TOLLIP: variants seen among roughly 807,000 people sequenced by gnomAD.
TOLLIP encodes toll-interacting protein.
A neutral mutation model predicts 33.5 loss-of-function variants in TOLLIP; 16 were observed. That is an observed-to-expected ratio of 0.48 (90% CI 0.32 to 0.72). The LOEUF is 0.72. Among genes scored for constraint, TOLLIP ranks in the 30% least tolerant of loss-of-function variants. TOLLIP has a pLI of 0.03. For synonymous variants in TOLLIP, 176 were observed against 163.7 expected (o/e 1.07, Z -0.57); for missense variants, 325 against 396.6 (o/e 0.82, Z 1.53).
In TOLLIP at chr11:1,277,297, A is replaced by G. The variant is rs1284169468; in HGVS notation, c.611-44T>C. Reference sequence around the variant, plus strand: ...TTTGGTAAAAACGTCGGAAAGTTCCAGAAGTGCCACACTAGCTCCTGCTGA... The same window carrying G: ...TTTGGTAAAAACGTCGGAAAGTTCCGGAAGTGCCACACTAGCTCCTGCTGA... On this transcript the variant is annotated intron_variant, in intron 5 of 5. Transcript: ENST00000317204. The surrounding 1 kb of genome is among the most constrained non-coding windows in gnomAD (Gnocchi z 4.2). 6.8e-7 allele frequency: 1 copy of G among 1,460,178 alleles called. No individual in the cohort carries two copies. Among genetic ancestry groups the G allele is most frequent in the South Asian group, 1.3e-5 (1 of 74,544 alleles). The allele number at this position is 1,460,178 out of a possible 1,614,324, so 90.5% of individuals were successfully genotyped here.
rs145462738 is a variant in TOLLIP at position 1,287,056 on chromosome 11, T to C, written c.520-964A>G. On this transcript the variant is annotated intron_variant, in intron 4 of 5. Coordinates refer to ENST00000317204, the MANE Select transcript of TOLLIP (RefSeq NM_019009.4). The stretch of plus-strand genomic sequence containing the variant: ...CCACTGTCGCCTCTGAGTTCAAAAC[T>C]GTCAGCTGCGGATAAGTCACTGCAC... 5.6e-3 allele frequency among the ~76,000 whole-genome samples: 855 copies of C among 152,238 alleles called. 7 individuals are homozygous for C. Among genetic ancestry groups the C allele is most frequent in the Non-Finnish European group, 5.3e-3 (358 of 67,990 alleles).
At chr11:1,293,364 G>A (rs999953114) in intron 2 of TOLLIP, among the ~76,000 whole-genome samples, 3 of 152,228 alleles carry the variant, frequency 2.0e-5, no homozygotes, top group Non-Finnish European at 4.4e-5. Flanking sequence ...CAGCACATGG[G>A]TGTTTAGACC....
intron 1 of TOLLIP, among the ~76,000 whole-genome samples, chr11:1,300,380 G>A (rs369829607): frequency 2.6e-5 from 4 of 152,278 alleles, no homozygotes; most frequent in African/African-American, 2.4e-5. Flanking sequence ...CTTTCCACAC[G>A]AAAGAAAAGA....
intron 2 of TOLLIP, chr11:1,292,132 C>T (rs1863973542): frequency 1.3e-5 from 2 of 152,290 alleles, no homozygotes; most frequent in African/African-American, 4.8e-5. Context: ...TCCTGGGCGA[C>T]AGGCATGCTC....
chr11:1,284,535 G>C (rs1343950752), intron 5 of TOLLIP, among the ~76,000 whole-genome samples: 2 of 152,146 alleles, frequency 1.3e-5, no homozygotes, highest in African/African-American at 4.8e-5. Context: ...ATTTTTAGTA[G>C]AGACGGGGTT....
At chr11:1,288,012 G>A (rs938502731) in intron 4 of TOLLIP, among the ~76,000 whole-genome samples, 4 of 152,096 alleles carry the variant, frequency 2.6e-5, no homozygotes, top group African/African-American at 4.8e-5. Context: ...GACGGCAGGA[G>A]CTCTGCGTCT....
rs766263496 is a variant in TOLLIP at position 1,303,992 on chromosome 11, T to C, written c.33+5474A>G. On this transcript the variant is annotated intron_variant, in intron 1 of 5. Coordinates refer to ENST00000317204, the MANE Select transcript of TOLLIP (RefSeq NM_019009.4). This position sits in a 1 kb window ranked among gnomAD's most constrained non-coding sequence, Gnocchi z 4.2. Reference sequence around the variant, plus strand: ...AAGAGGTTGCAGTGAGTTGAGATTGTGCCACTGCACTCCAGCCTGGGCTAC... The same window carrying C: ...AAGAGGTTGCAGTGAGTTGAGATTGCGCCACTGCACTCCAGCCTGGGCTAC... 2.7e-4 allele frequency among the ~76,000 whole-genome samples: 40 copies of C among 145,508 alleles called. No homozygotes were observed. The highest frequency in any genetic ancestry group is 5.1e-4 in the Non-Finnish European group (34 of 67,300).
At position 1,274,698 on chromosome 11, in the gene TOLLIP, A is replaced by T. The variant is rs1863228753; in HGVS notation, c.*2341T>A. ...GCCACGGAGCTGGCGATCGGCCTGCATCTTCAAACCCAGGAGCAGGAGCAG... is the reference window on the plus strand; with the variant it reads ...GCCACGGAGCTGGCGATCGGCCTGCTTCTTCAAACCCAGGAGCAGGAGCAG... On this transcript the variant is annotated 3_prime_UTR_variant, in exon 6 of 6. Transcript: ENST00000317204. 6.6e-6 allele frequency: 1 copy of T among 152,288 alleles called. No individual in the cohort carries two copies. Among genetic ancestry groups the T allele is most frequent in the Non-Finnish European group, 1.5e-5 (1 of 68,088 alleles). 9.4% of individuals were successfully genotyped at this position (152,288 alleles called of 1,614,324 possible). A position where few individuals can be genotyped will look rare whatever the true frequency, so the allele number is the denominator to read the frequency against.
At position 1,290,531 on chromosome 11, in the gene TOLLIP, A is replaced by G. The variant is rs1863900920; in HGVS notation, c.184-122T>C. The G allele has an allele frequency of 1.1e-6, 1 of 871,840 alleles. No individual in the cohort carries two copies. Among genetic ancestry groups the G allele is most frequent in the Non-Finnish European group, 1.8e-6 (1 of 566,270 alleles). 54.0% of individuals were successfully genotyped at this position (871,840 alleles called of 1,614,324 possible). A position where few individuals can be genotyped will look rare whatever the true frequency, so the allele number is the denominator to read the frequency against. ...TTTTCCTAACACATAGACTACAGCCACTCAGAGTCGCCTGAACACGGCTGT... is the reference window on the plus strand; with the variant it reads ...TTTTCCTAACACATAGACTACAGCCGCTCAGAGTCGCCTGAACACGGCTGT... On this transcript the variant is annotated intron_variant, in intron 2 of 5. Coordinates refer to ENST00000317204, the MANE Select transcript of TOLLIP (RefSeq NM_019009.4). The surrounding 1 kb of genome is among the most constrained non-coding windows in gnomAD (Gnocchi z 4.9).
intron 1 of TOLLIP, among the ~76,000 whole-genome samples, chr11:1,307,929 G>A (rs1457856416): frequency 2.0e-5 from 3 of 152,142 alleles, no homozygotes; most frequent in East Asian, 3.8e-4. Context: ...TTATCTCCTC[G>A]GGAGAAACAC....
intron 1 of TOLLIP, among the ~76,000 whole-genome samples, chr11:1,305,475 G>T (rs5743882): frequency 2.6e-5 from 4 of 152,192 alleles, no homozygotes; most frequent in African/African-American, 9.7e-5. Context: ...CTTGAGGTAC[G>T]GGAAGATGAG....
rs563745360 is a variant in TOLLIP, at chr11:1,290,190, C to T, written c.366+37G>A. 92 of 1,596,862 alleles carry T rather than the reference C, an allele frequency of 5.8e-5. No homozygotes were observed. Among genetic ancestry groups the T allele is most frequent in the South Asian group, 3.6e-4 (33 of 90,430 alleles). Reference sequence around the variant, plus strand: ...TCCCCACGGCAGCCACGCTCAGCCACGTGCAGCCTCCATAATAGCTGGCAC... The same window carrying T: ...TCCCCACGGCAGCCACGCTCAGCCATGTGCAGCCTCCATAATAGCTGGCAC... On this transcript the variant is annotated intron_variant, in intron 3 of 5. Transcript: ENST00000317204. This position sits in a 1 kb window ranked among gnomAD's most constrained non-coding sequence, Gnocchi z 4.9.
At chr11:1,284,062 C>G (rs922549136) in intron 5 of TOLLIP, among the ~76,000 whole-genome samples, 1 of 152,230 alleles carries the variant, frequency 6.6e-6, no homozygotes, top group Non-Finnish European at 1.5e-5. Flanking sequence ...AGTTACAAAT[C>G]AGAACCTCCA....
chr11:1,279,188 G>A (rs759838249), intron 5 of TOLLIP, among the ~76,000 whole-genome samples: 1 of 152,252 alleles, frequency 6.6e-6, no homozygotes, highest in Non-Finnish European at 1.5e-5. Flanking sequence ...ATGAGGGGAT[G>A]TGGCGCCGAC....
At chr11:1,285,416 G>A (rs1228986248) in intron 5 of TOLLIP, among the ~76,000 whole-genome samples, 1 of 152,272 alleles carries the variant, frequency 6.6e-6, no homozygotes, top group Non-Finnish European at 1.5e-5. Context: ...TGCACCAGCA[G>A]CTACCACAGT....
At chr11:1,304,705 C>G (rs1222566898) in intron 1 of TOLLIP, among the ~76,000 whole-genome samples, 1 of 152,174 alleles carries the variant, frequency 6.6e-6, no homozygotes, top group South Asian at 2.1e-4. Context: ...TCCAGGGGAG[C>G]CCCTGTACTT....
At chr11:1,291,435 C>G (rs927514566) in intron 2 of TOLLIP, among the ~76,000 whole-genome samples, 1 of 148,046 alleles carries the variant, frequency 6.8e-6, no homozygotes, top group Non-Finnish European at 1.5e-5. Flanking sequence ...GGAACAGAGT[C>G]CAGACACTGC....
At chr11:1,294,064 G>A (rs1464567356) in intron 2 of TOLLIP, among the ~76,000 whole-genome samples, 1 of 152,166 alleles carries the variant, frequency 6.6e-6, no homozygotes, top group African/African-American at 2.4e-5. Context: ...TGAAAGCCGC[G>A]TGGCTCACAG....
chr11:1,300,888 T>C (rs564921164), intron 1 of TOLLIP, among the ~76,000 whole-genome samples: 1 of 152,360 alleles, frequency 6.6e-6, no homozygotes, highest in East Asian at 1.9e-4. Context: ...GGAGCCTTTT[T>C]AAACCTTCTC....
Sources: allele counts gnomAD v4.1 joint callset (sites outside exome capture counted in the v4.1 genomes callset), GRCh38; gene constraint gnomAD v4.1.1; non-coding constraint Gnocchi (gnomAD v3.1); transcripts MANE v1.5; gene names NCBI Gene and HGNC (gene_info 2026-07-23, HGNC 2026-07-21).